ABLIM3: variants seen among roughly 807,000 people sequenced by gnomAD.
ABLIM3 encodes the protein actin-binding LIM protein 3.
In ABLIM3, 61 loss-of-function variants were observed where a neutral mutation model predicts 109.5. That is an observed-to-expected ratio of 0.56 (90% CI 0.45 to 0.69). ABLIM3 has a LOEUF of 0.69. Among genes scored for constraint, ABLIM3 ranks in the 30% least tolerant of loss-of-function variants. The probability of loss-of-function intolerance (pLI) is 0.00; values close to 1 mark genes in which losing one functional copy is unlikely to be tolerated. For missense variants in ABLIM3, 796 were observed against 889.5 expected (o/e 0.89, Z 1.34); for synonymous variants, 300 against 324.8 (o/e 0.92, Z 0.82).
At chr5:149,215,796 C>T (rs971017004) in intron 7 of ABLIM3, among the ~76,000 whole-genome samples, 10 of 152,218 alleles carry the variant, frequency 6.6e-5, no homozygotes, top group South Asian at 4.2e-4. Flanking sequence ...CTGGAGCCGC[C>T]GCTGAAGTTC....
rs1756644206 is a variant in ABLIM3 at position 149,183,424 on chromosome 5, G to A, written c.14-28G>A. ...ACTTTGTAAAGAATCAGGGCCTCTG[G>A]ATAGTGATCTCTTTGTTTCTTTTAC... is the stretch of plus-strand genomic sequence containing the variant. On this transcript the variant is annotated intron_variant, in intron 2 of 23. Coordinates refer to ENST00000309868, the MANE Select transcript of ABLIM3 (RefSeq NM_014945.5). The A allele has an allele frequency of 8.0e-6, 12 of 1,496,732 alleles. No homozygotes were observed. In the East Asian group the frequency reaches 2.8e-4, roughly 35 times the overall value. The allele number at this position is 1,496,732 out of a possible 1,614,324, so 92.7% of individuals were successfully genotyped here.
intron 8 of ABLIM3, among the ~76,000 whole-genome samples, chr5:149,227,193 A>G (rs2918268): frequency 0.5 from 75,460 of 151,974 alleles, 19,406 homozygotes; most frequent in East Asian, 0.62. Flanking sequence ...GCTATAACCA[A>G]TCAGAGAGAT....
At chr5:149,204,564 G>A (rs147634674) in intron 5 of ABLIM3, among the ~76,000 whole-genome samples, 12 of 152,322 alleles carry the variant, frequency 7.9e-5, no homozygotes, top group East Asian at 1.9e-4. Context: ...CAGGACTATC[G>A]CTCCTGGCTT....
At chr5:149,142,210 T>A in intron 2 of ABLIM3, 102 bp downstream of exon 2, 4 of 1,538,592 alleles carry the variant, frequency 2.6e-6, no homozygotes, top group Non-Finnish European at 3.6e-6. Flanking sequence ...AAGCCTGGCA[T>A]CTCTGGACAC....
intron 8 of ABLIM3, among the ~76,000 whole-genome samples, chr5:149,223,935 A>G (rs1455844850): frequency 2.6e-5 from 4 of 152,210 alleles, no homozygotes; most frequent in African/African-American, 9.6e-5. Context: ...AGGGACTAGC[A>G]TTGCTGGTTC....
chr5:149,215,662 A>T (rs1021937942), intron 7 of ABLIM3, among the ~76,000 whole-genome samples: 1 of 152,220 alleles, frequency 6.6e-6, no homozygotes, highest in African/African-American at 2.4e-5. Context: ...CCTAACATCC[A>T]TCAGTTTCCC....
intron 2 of ABLIM3, among the ~76,000 whole-genome samples, chr5:149,182,443 G>A (rs1396757693): frequency 6.6e-6 from 1 of 152,176 alleles, no homozygotes; most frequent in Admixed American, 6.5e-5. Context: ...ATGTTTCTCA[G>A]TGGCAAAGTT....
intron 7 of ABLIM3, among the ~76,000 whole-genome samples, chr5:149,212,741 G>T (rs1759684160): frequency 6.6e-6 from 1 of 152,164 alleles, no homozygotes; most frequent in Non-Finnish European, 1.5e-5. Flanking sequence ...GATGACAGGG[G>T]AAAAAGCTGA....
rs2127429833 is a variant in ABLIM3 at position 149,147,985 on chromosome 5, C to G, written c.13+5877C>G. On this transcript the variant is annotated intron_variant, in intron 2 of 23. Coordinates refer to ENST00000309868, the MANE Select transcript of ABLIM3 (RefSeq NM_014945.5). The stretch of plus-strand genomic sequence containing the variant: ...GGCTGTCATTGTGGATTTTATGACA[C>G]TAGCAAGCAGGTCACGCAACCTCTC... 1.3e-5 allele frequency among the ~76,000 whole-genome samples: 2 copies of G among 152,244 alleles called. 1 individual carries two copies. The highest frequency in any genetic ancestry group is 4.1e-4 in the South Asian group (2 of 4,828).
chr5:149,210,248 A>C (rs1385777428), intron 6 of ABLIM3, among the ~76,000 whole-genome samples: 1 of 152,192 alleles, frequency 6.6e-6, no homozygotes, highest in African/African-American at 2.4e-5. Context: ...GAGAAACCAG[A>C]CAACCTGGGT....
chr5:149,216,714 C>A, intron 7 of ABLIM3: 1 of 472,500 alleles, frequency 2.1e-6, no homozygotes. Context: ...TTCCCAGTGT[C>A]AGAATAGAAG....
chr5:149,141,702 G>A, intron 1 of ABLIM3, 48 bp downstream of exon 1: 1 of 197,038 alleles, frequency 5.1e-6, no homozygotes, highest in South Asian at 1.4e-4. Context: ...GCGGGGACGC[G>A]CTGCCCCCGC....
At position 149,150,729 on chromosome 5, in the gene ABLIM3, C is replaced by T. The variant is rs765141937; in HGVS notation, c.13+8621C>T. On this transcript the variant is annotated intron_variant, in intron 2 of 23. Transcript: ENST00000309868. ...ACAACCAGAAGTATCTGAACACCTT[C>T]GACTTTCTGGGTATTTTGCCAGATA... Among the ~76,000 whole-genome samples the T allele has an allele frequency of 3.3e-5, 5 of 152,200 alleles. No individual in the cohort carries two copies. In the East Asian group the frequency reaches 7.7e-4, roughly 23 times the overall value.
At chr5:149,232,534 A>C (rs1761962175) in intron 9 of ABLIM3, among the ~76,000 whole-genome samples, 1 of 152,242 alleles carries the variant, frequency 6.6e-6, no homozygotes, top group Admixed American at 6.5e-5. Flanking sequence ...AGAATGCTTT[A>C]AATTGTAGGA....
chr5:149,190,190 A>G (rs368575381), intron 3 of ABLIM3, among the ~76,000 whole-genome samples: 3 of 152,222 alleles, frequency 2.0e-5, no homozygotes, highest in Non-Finnish European at 4.4e-5. Flanking sequence ...ATTCATGGTT[A>G]TCTAGGGCTG....
At chr5:149,239,415 C>A in intron 12 of ABLIM3, 138 bp downstream of exon 12, 5 of 966,144 alleles carry the variant, frequency 5.2e-6, no homozygotes, top group Non-Finnish European at 4.9e-6. Flanking sequence ...TGGAGAGACT[C>A]GGGTGCATGT....
intron 8 of ABLIM3, among the ~76,000 whole-genome samples, chr5:149,230,339 A>T (rs1761722285): frequency 6.6e-6 from 1 of 152,244 alleles, no homozygotes; most frequent in African/African-American, 2.4e-5. Context: ...GTGTGGAAAG[A>T]GACACAAAGA....
chr5:149,154,253 G>T (rs1753687718), intron 2 of ABLIM3, among the ~76,000 whole-genome samples: 2 of 152,222 alleles, frequency 1.3e-5, no homozygotes, highest in Non-Finnish European at 2.9e-5. Flanking sequence ...TGCCCGTCTG[G>T]TGATAGTCTA....
intron 13 of ABLIM3, chr5:149,240,370 A>G (rs1752685902): frequency 2.2e-6 from 1 of 455,214 alleles, no homozygotes; most frequent in African/African-American, 2.0e-5. Context: ...GGGAGGTTCA[A>G]GGATGGTTGG....
Sources: gnomAD v4.1 joint callset for allele counts (sites outside exome capture counted in the v4.1 genomes callset) on GRCh38, gnomAD v4.1.1 for gene constraint, MANE v1.5 for transcripts, NCBI Gene and HGNC (gene_info 2026-07-23, HGNC 2026-07-21) for gene names.